The following PDE10A variants were observed in gnomAD, a reference collection of about 807,000 sequenced individuals.
PDE10A encodes cAMP and cAMP-inhibited cGMP 3',5'-cyclic phosphodiesterase 10A.
In PDE10A, 39 loss-of-function variants were observed where a neutral mutation model predicts 97.7. The observed-to-expected ratio is 0.40, with a 90% CI of 0.31 to 0.52. The LOEUF (loss-of-function observed/expected upper bound fraction) is 0.52, where lower values mean the gene tolerates loss of function less well. Ranked by LOEUF, PDE10A falls within the 20% of genes least tolerant of loss-of-function variation. PDE10A has a pLI of 0.56. For synonymous variants in PDE10A, 371 were observed against 376.8 expected (o/e 0.98, Z 0.18); for missense variants, 731 against 1,047.8 (o/e 0.70, Z 4.17).
At chr6:165,681,275 A>T (rs537883560) in intron 1 of PDE10A, among the ~76,000 whole-genome samples, 1 of 152,362 alleles carries the variant, frequency 6.6e-6, no homozygotes, top group African/African-American at 2.4e-5. Context: ...GGAATTTAAG[A>T]AGCCTGTTTC....
chr6:165,852,033 C>A (rs1780586531), intron 1 of PDE10A, among the ~76,000 whole-genome samples: 2 of 152,210 alleles, frequency 1.3e-5, no homozygotes, highest in South Asian at 4.1e-4. Context: ...CCCCAAGAAT[C>A]CACATTCTGC....
chr6:165,573,293 A>C (rs989887623), intron 1 of PDE10A, among the ~76,000 whole-genome samples: 2 of 145,560 alleles, frequency 1.4e-5, no homozygotes, highest in Admixed American at 6.9e-5. Flanking sequence ...TTTTTTTTTT[A>C]ATCAGTAGAG....
chr6:165,691,104 T>TTTCTCCCCC (rs1791266514), intron 1 of PDE10A, among the ~76,000 whole-genome samples: 1 of 30,050 alleles, frequency 3.3e-5, no homozygotes, highest in African/African-American at 1.3e-4. Context: ...TCTCTTTCTC[T>TTTCTCCCCC]CTCCCCCCCC....
chr6:165,622,356 C>T (rs1788184182), intron 1 of PDE10A, among the ~76,000 whole-genome samples: 1 of 152,050 alleles, frequency 6.6e-6, no homozygotes, highest in African/African-American at 2.4e-5. Flanking sequence ...TAGTTGGTTT[C>T]ATTGTTGTGT....
intron 3 of PDE10A, among the ~76,000 whole-genome samples, chr6:165,467,900 C>T (rs1021186807): frequency 2.0e-5 from 3 of 152,168 alleles, no homozygotes; most frequent in African/African-American, 7.2e-5. Flanking sequence ...ATGTGGCAAA[C>T]TTTATTTTTG....
At chr6:165,515,799 G>A (rs1314684859) in intron 2 of PDE10A, among the ~76,000 whole-genome samples, 1 of 152,112 alleles carries the variant, frequency 6.6e-6, no homozygotes, top group African/African-American at 2.4e-5. Flanking sequence ...TGGGATTACA[G>A]GAGTGAGCCA....
At chr6:165,663,947 G>A (rs1790424212), upstream of PDE10A, among the ~76,000 whole-genome samples, 1 of 152,218 alleles carries the variant, frequency 6.6e-6, no homozygotes, top group Non-Finnish European at 1.5e-5. Context: ...CAGAAGTTTG[G>A]GGAAGTTGGA....
intron 13 of PDE10A, among the ~76,000 whole-genome samples, chr6:165,404,319 C>A (rs918583863): frequency 3.9e-5 from 6 of 152,034 alleles, no homozygotes; most frequent in African/African-American, 1.4e-4. Context: ...AAGGGAAGGT[C>A]CATGCAGGAT....
intron 13 of PDE10A, among the ~76,000 whole-genome samples, chr6:165,399,433 A>G (rs978693405): frequency 6.6e-6 from 1 of 152,186 alleles, no homozygotes; most frequent in Non-Finnish European, 1.5e-5. Flanking sequence ...TACTTATTAT[A>G]AAGGTTTTTT....
intron 5 of PDE10A, among the ~76,000 whole-genome samples, chr6:165,435,579 A>T (rs1789955673): frequency 6.6e-6 from 1 of 152,136 alleles, no homozygotes; most frequent in Non-Finnish European, 1.5e-5. Flanking sequence ...AAAAATACAC[A>T]CTCAAATTTA....
At chr6:165,511,201 G>A (rs1168232187) in intron 2 of PDE10A, among the ~76,000 whole-genome samples, 5 of 151,746 alleles carry the variant, frequency 3.3e-5, no homozygotes, top group East Asian at 1.9e-4. Flanking sequence ...TGCTGTATAC[G>A]ACAGGTTTTG....
chr6:165,712,831 G>A (rs1239552143), intron 1 of PDE10A, among the ~76,000 whole-genome samples: 5 of 151,802 alleles, frequency 3.3e-5, no homozygotes, highest in East Asian at 3.9e-4. Context: ...TAGTAGAGAC[G>A]GAGCTTCACC....
At chr6:165,794,452 TCA>T (rs1251776946) in intron 1 of PDE10A, among the ~76,000 whole-genome samples, 3 of 150,814 alleles carry the variant, frequency 2.0e-5, no homozygotes, top group East Asian at 2.0e-4. Flanking sequence ...ACTCACACAC[TCA>T]CATGCCCATG....
At chr6:165,762,679 A>G (rs1394078479) in intron 1 of PDE10A, among the ~76,000 whole-genome samples, 1 of 148,864 alleles carries the variant, frequency 6.7e-6, no homozygotes, top group Admixed American at 6.6e-5. Flanking sequence ...ATAGCTCTAT[A>G]AAAATTTTGT....
intron 6 of PDE10A, 111 bp from the exon 7 acceptor site, chr6:165,433,240 C>A: frequency 1.3e-6 from 1 of 745,790 alleles, no homozygotes; most frequent in Non-Finnish European, 2.1e-6. Flanking sequence ...ATAAGCAGTA[C>A]TTTTCAAAGG....
intron 1 of PDE10A, among the ~76,000 whole-genome samples, chr6:165,597,116 G>A (rs966968897): frequency 6.6e-6 from 1 of 151,910 alleles, no homozygotes; most frequent in African/African-American, 2.4e-5. Context: ...ATTTATTTCT[G>A]TCTTACCCCT....
At chr6:165,432,791 C>T (rs924684412) in intron 7 of PDE10A, among the ~76,000 whole-genome samples, 183 bp downstream of exon 7, 6 of 152,120 alleles carry the variant, frequency 3.9e-5, no homozygotes, top group Non-Finnish European at 4.4e-5. Flanking sequence ...AACCTGTTTC[C>T]TCTCTAAACA....
intron 2 of PDE10A, among the ~76,000 whole-genome samples, chr6:165,505,685 A>C (rs1481107909): frequency 1.3e-5 from 2 of 152,170 alleles, no homozygotes; most frequent in African/African-American, 4.8e-5. Context: ...AAACTGCACA[A>C]AACTATTTTG....
At chr6:165,632,697 T>C (rs1788689410) in intron 1 of PDE10A, among the ~76,000 whole-genome samples, 1 of 152,150 alleles carries the variant, frequency 6.6e-6, no homozygotes, top group Non-Finnish European at 1.5e-5. Context: ...GATACAACCA[T>C]GAGGGGTGAA....
Sources: gnomAD v4.1 joint callset for allele counts (sites outside exome capture counted in the v4.1 genomes callset) on GRCh38, gnomAD v4.1.1 for gene constraint, MANE v1.5 for transcripts, NCBI Gene and HGNC (gene_info 2026-07-23, HGNC 2026-07-21) for gene names.